Variants in MYPN observed in about 807,000 individuals in gnomAD.
MYPN encodes sarcomeric protein myopalladin, 145 kDa (MYOP).
In MYPN, 63 loss-of-function variants were observed where a neutral mutation model predicts 129.4. The ratio of observed to expected loss-of-function variants is 0.49; its 90% CI spans 0.40 to 0.60. The LOEUF (loss-of-function observed/expected upper bound fraction) is 0.60. Among genes scored for constraint, MYPN ranks in the 20% least tolerant of loss-of-function variants. The pLI is 0.00. For synonymous variants in MYPN, 629 were observed against 600.9 expected, an observed-to-expected ratio of 1.05 and a Z score of -0.68; for missense variants, 1,596 against 1,635.4, an observed-to-expected ratio of 0.98 and a Z score of 0.42.
intron 1 of MYPN, among the ~76,000 whole-genome samples, chr10:68,099,754 A>G (rs573821214): frequency 6.6e-6 from 1 of 152,316 alleles, no homozygotes; most frequent in South Asian, 2.1e-4. Context: ...AGAGATAGTA[A>G]ATCACCTGCA....
In MYPN at chr10:68,141,785, C is replaced by T. The variant is rs60353309; in HGVS notation, c.903-1155C>T. Among the ~76,000 whole-genome samples, 282 of 152,196 alleles carry T rather than the reference C, an allele frequency of 1.9e-3. 1 individual carries two copies. Among genetic ancestry groups the T allele is most frequent in the African/African-American group, 6.3e-3 (260 of 41,544 alleles). Reference sequence around the variant, plus strand: ...GAACTTCCACATATCTATGGTGGGGCGACATAATGAAACCCGTAAACCCCA... The same window carrying T: ...GAACTTCCACATATCTATGGTGGGGTGACATAATGAAACCCGTAAACCCCA... On this transcript the variant is annotated intron_variant, in intron 2 of 19. Coordinates refer to ENST00000358913, the MANE Select transcript of MYPN (RefSeq NM_032578.4).
upstream of MYPN, among the ~76,000 whole-genome samples, chr10:68,107,654 TTC>T (rs1378700187): frequency 6.6e-6 from 1 of 152,078 alleles, no homozygotes; most frequent in African/African-American, 2.4e-5. Flanking sequence ...CCCGGCCGGC[TTC>T]TTTTTTCTGT....
At position 68,121,674 on chromosome 10, in the gene MYPN, C is replaced by A. The variant is rs1012831518; in HGVS notation, c.236C>A (p.Ala79Glu). Residue 79 changes from alanine (A) to glutamate (E), a missense_variant, in exon 2 of 20, where the codon GCA becomes GAA. By Grantham distance (107) the Ala-to-Glu change is moderately radical. Transcript: ENST00000358913. ...GAATTAGACGAAAGTGTCAATTTGG[C>A]AAGACTGGCCATCAATTACGACCCT... is the stretch of plus-strand genomic sequence containing the variant. ...QEELDESVNL[A>E]RLAINYDPLE... 6.2e-7 allele frequency: 1 copy of A among 1,614,206 alleles called. No homozygotes were observed. Among genetic ancestry groups the A allele is most frequent in the South Asian group, 1.1e-5 (1 of 91,086 alleles).
rs1564646814 is a variant in MYPN at position 68,121,472 on chromosome 10, A to G, written c.34A>G (p.Ile12Val). ...QDDSIEASTS[I>V]SQLLRESYLA... ...CGACAGCATAGAAGCTTCTACTTCC[A>G]TATCTCAGCTTCTAAGAGAGAGCTA... The change falls in exon 2 of 20, where the codon ATA (isoleucine) becomes GTA (valine). Residue 12 changes from isoleucine to valine, a missense_variant. By Grantham distance (29) the Ile-to-Val change is conservative. Coordinates refer to ENST00000358913, the MANE Select transcript of MYPN (RefSeq NM_032578.4). The G allele has an allele frequency of 3.1e-6, 5 of 1,613,366 alleles. No homozygotes were observed. The highest frequency in any genetic ancestry group is 4.2e-6 in the Non-Finnish European group (5 of 1,179,596).
At chr10:68,185,153 G>A (rs996382483) in intron 12 of MYPN, among the ~76,000 whole-genome samples, 10 of 149,804 alleles carry the variant, frequency 6.7e-5, no homozygotes, top group Admixed American at 4.7e-4. Flanking sequence ...AAGGAGGGAG[G>A]GAGGGAGGGA....
At chr10:68,155,685 G>T (rs2042860465) in intron 6 of MYPN, among the ~76,000 whole-genome samples, 1 of 152,182 alleles carries the variant, frequency 6.6e-6, no homozygotes, top group Admixed American at 6.5e-5. Flanking sequence ...TTTGGATCCT[G>T]ATCTGTGGCA....
intron 6 of MYPN, among the ~76,000 whole-genome samples, chr10:68,156,546 A>G (rs2042876954): frequency 1.3e-5 from 2 of 152,246 alleles, no homozygotes; most frequent in African/African-American, 2.4e-5. Context: ...AGAATAAAAC[A>G]CTAGCATTGA....
At chr10:68,200,469 A>G (rs1422786159) in intron 17 of MYPN, among the ~76,000 whole-genome samples, 1 of 152,082 alleles carries the variant, frequency 6.6e-6, no homozygotes, top group Non-Finnish European at 1.5e-5. Context: ...CTTTAAGAAA[A>G]TCAGGGTGTG....
intron 8 of MYPN, among the ~76,000 whole-genome samples, chr10:68,164,306 G>C (rs2043022786): frequency 6.6e-6 from 1 of 152,192 alleles, no homozygotes; most frequent in Non-Finnish European, 1.5e-5. Context: ...GAGGGAGAGA[G>C]GGGGCCACTC....
chr10:68,173,435 G>C (rs930897312), intron 10 of MYPN, among the ~76,000 whole-genome samples: 1 of 152,082 alleles, frequency 6.6e-6, no homozygotes, highest in African/African-American at 2.4e-5. Context: ...TAAACTCTTT[G>C]TTGCACAACT....
At chr10:68,090,963 G>GCAAAA (rs2041928428) in intron 1 of MYPN, among the ~76,000 whole-genome samples, 1 of 152,072 alleles carries the variant, frequency 6.6e-6, no homozygotes, top group African/African-American at 2.4e-5. Context: ...CGGCCCCTTA[G>GCAAAA]CAAAGTACTC....
At chr10:68,201,735 C>G (rs1276275806) in intron 17 of MYPN, 94 bp from the exon 18 acceptor site, 11 of 1,422,364 alleles carry the variant, frequency 7.7e-6, no homozygotes, top group Non-Finnish European at 1.1e-5. Context: ...GAGCTGAGAT[C>G]TTGCCACCAC....
chr10:68,176,041 C>T (rs1468541862), intron 12 of MYPN, among the ~76,000 whole-genome samples: 2 of 152,256 alleles, frequency 1.3e-5, no homozygotes, highest in South Asian at 2.1e-4. Context: ...CCACACCCAG[C>T]CTATGACCTA....
At position 68,158,424 on chromosome 10, in the gene MYPN, C is replaced by T. The variant is rs1362079832; in HGVS notation, c.1318-62C>T. 5.2e-6 allele frequency: 8 copies of T among 1,536,124 alleles called. No homozygotes were observed. The African/African-American group carries it at 5.5e-5, about 11-fold the overall frequency. On this transcript the variant is annotated intron_variant, in intron 6 of 19. Coordinates refer to ENST00000358913, the MANE Select transcript of MYPN (RefSeq NM_032578.4). ...GGCATCTTTTTCTAAAATTCAACAC[C>T]GAAACTAGATTACAAAAATGTGTAC...
At chr10:68,119,442 C>T (rs2042208830) in intron 1 of MYPN, among the ~76,000 whole-genome samples, 1 of 147,016 alleles carries the variant, frequency 6.8e-6, no homozygotes, top group Non-Finnish European at 1.5e-5. Flanking sequence ...CAGAGTTTTG[C>T]TCTTGTTGCC....
chr10:68,153,945 G>A (rs1444977051), intron 6 of MYPN, among the ~76,000 whole-genome samples: 1 of 150,504 alleles, frequency 6.6e-6, no homozygotes, highest in African/African-American at 2.5e-5. Context: ...TTAAAGCAAC[G>A]CTTAGCGAGC....
chr10:68,143,255 T>C, intron 3 of MYPN, 140 bp downstream of exon 3: 1 of 738,708 alleles, frequency 1.4e-6, no homozygotes, highest in Non-Finnish European at 2.2e-6. Flanking sequence ...AGAACAAAAA[T>C]ACTTAGGCTC....
intron 12 of MYPN, among the ~76,000 whole-genome samples, chr10:68,182,191 C>T (rs1198132125): frequency 2.0e-5 from 3 of 148,386 alleles, no homozygotes; most frequent in African/African-American, 7.4e-5. Context: ...TGTATCCTCA[C>T]TACCTGGTTA....
intron 1 of MYPN, among the ~76,000 whole-genome samples, chr10:68,121,008 G>A (rs192370319): frequency 2.2e-4 from 33 of 152,340 alleles, no homozygotes; most frequent in African/African-American, 7.7e-4. Flanking sequence ...GGAGGGCACA[G>A]TGGCTCACCC....
Sources: allele counts gnomAD v4.1 joint callset (sites outside exome capture counted in the v4.1 genomes callset), GRCh38; gene constraint gnomAD v4.1.1; transcripts MANE v1.5; gene names NCBI Gene and HGNC (gene_info 2026-07-23, HGNC 2026-07-21).